Variants in GPM6A observed in about 807,000 individuals in gnomAD.
GPM6A encodes glycoprotein M6A.
Under a neutral mutation model 32.1 loss-of-function variants are expected in GPM6A, and 7 were observed. The observed-to-expected ratio is 0.22, with a 90% CI of 0.12 to 0.41. The LOEUF (loss-of-function observed/expected upper bound fraction) is 0.41. Ranked by LOEUF, GPM6A falls within the 10% of genes least tolerant of loss-of-function variation. GPM6A has a pLI of 1.00. For synonymous variants in GPM6A, 130 were observed against 123.4 expected, an observed-to-expected ratio of 1.05 and a Z score of -0.35; for missense variants, 235 against 347.2, an observed-to-expected ratio of 0.68 and a Z score of 2.57.
chr4:175,972,315 G>T (rs1159066683), intron 1 of GPM6A, among the ~76,000 whole-genome samples: 1 of 152,082 alleles, frequency 6.6e-6, no homozygotes, highest in Non-Finnish European at 1.5e-5. Context: ...TTGCTCAAAA[G>T]ATTTTGTTTA....
chr4:175,734,700 T>G (rs1173194369), intron 1 of GPM6A, among the ~76,000 whole-genome samples: 4 of 152,058 alleles, frequency 2.6e-5, no homozygotes, highest in Non-Finnish European at 5.9e-5. Flanking sequence ...TGTGAAACCC[T>G]GTCTCTACTA....
chr4:175,647,346 A>G (rs1183586463), intron 4 of GPM6A, among the ~76,000 whole-genome samples: 1 of 152,238 alleles, frequency 6.6e-6, no homozygotes, highest in Non-Finnish European at 1.5e-5. Flanking sequence ...AATACATCCA[A>G]TGTAATTGAA....
intron 1 of GPM6A, among the ~76,000 whole-genome samples, chr4:175,861,456 A>G (rs1736570512): frequency 6.6e-6 from 1 of 151,820 alleles, no homozygotes; most frequent in African/African-American, 2.4e-5. Context: ...ACAACTTTGA[A>G]TCAGATATAT....
chr4:175,774,745 A>T (rs1270218671), intron 1 of GPM6A, among the ~76,000 whole-genome samples: 2 of 152,082 alleles, frequency 1.3e-5, no homozygotes, highest in Non-Finnish European at 2.9e-5. Context: ...ACTACAATTA[A>T]TCAGTTAAAA....
intron 1 of GPM6A, among the ~76,000 whole-genome samples, chr4:175,937,793 T>C (rs1460047199): frequency 6.6e-6 from 1 of 152,058 alleles, no homozygotes; most frequent in Non-Finnish European, 1.5e-5. Context: ...ATCTGGCTAT[T>C]AGAAAAATAT....
chr4:175,881,320 C>A (rs1340350853), intron 1 of GPM6A, among the ~76,000 whole-genome samples: 1 of 152,004 alleles, frequency 6.6e-6, no homozygotes, highest in Non-Finnish European at 1.5e-5. Flanking sequence ...GTTAGAATGG[C>A]GATCATTAAA....
At chr4:175,818,270 C>T (rs2111344892) in intron 1 of GPM6A, among the ~76,000 whole-genome samples, 1 of 152,278 alleles carries the variant, frequency 6.6e-6, no homozygotes, top group Non-Finnish European at 1.5e-5. Context: ...TTTCTTCTTC[C>T]TAAAACACTT....
chr4:175,859,454 A>T (rs1736509649), intron 1 of GPM6A, among the ~76,000 whole-genome samples: 1 of 152,312 alleles, frequency 6.6e-6, no homozygotes, highest in Non-Finnish European at 1.5e-5. Flanking sequence ...AAGCAACACG[A>T]AACTCAGTTT....
intron 1 of GPM6A, among the ~76,000 whole-genome samples, chr4:175,762,520 G>A (rs528256976): frequency 5.0e-4 from 76 of 152,088 alleles, no homozygotes; most frequent in African/African-American, 1.8e-3. Context: ...AGTATGAAAT[G>A]TATTTAAACT....
intron 1 of GPM6A, among the ~76,000 whole-genome samples, chr4:175,966,398 G>A (rs766898044): frequency 2.7e-5 from 4 of 150,746 alleles, no homozygotes; most frequent in African/African-American, 7.3e-5. Context: ...GCAAGATTCT[G>A]TCTCAAATAA....
intron 1 of GPM6A, among the ~76,000 whole-genome samples, chr4:175,734,011 G>A (rs1351020795): frequency 6.6e-6 from 1 of 151,884 alleles, no homozygotes; most frequent in African/African-American, 2.4e-5. Context: ...ACTCAAAACT[G>A]AACTTTCATC....
At chr4:175,810,649 G>A (rs1474202938) in intron 1 of GPM6A, among the ~76,000 whole-genome samples, 1 of 152,158 alleles carries the variant, frequency 6.6e-6, no homozygotes, top group African/African-American at 2.4e-5. Flanking sequence ...TTTATTTAGT[G>A]TAATGAATAT....
At chr4:175,977,654 A>G (rs1740699169) in intron 1 of GPM6A, among the ~76,000 whole-genome samples, 1 of 152,206 alleles carries the variant, frequency 6.6e-6, no homozygotes, top group Admixed American at 6.5e-5. Context: ...AAAGTTAAAG[A>G]CAATCTTAAT....
At chr4:175,930,561 T>G (rs1347725716) in intron 1 of GPM6A, among the ~76,000 whole-genome samples, 1 of 152,022 alleles carries the variant, frequency 6.6e-6, no homozygotes, top group East Asian at 1.9e-4. Flanking sequence ...CAACTCTGAA[T>G]TTCAGTTTTA....
At chr4:175,957,415 G>A (rs1740023211) in intron 1 of GPM6A, among the ~76,000 whole-genome samples, 1 of 152,176 alleles carries the variant, frequency 6.6e-6, no homozygotes, top group Admixed American at 6.5e-5. Context: ...TACCAGGCAT[G>A]CAACAAGATG....
intron 1 of GPM6A, among the ~76,000 whole-genome samples, chr4:175,770,869 C>T (rs1190465679): frequency 2.0e-5 from 3 of 152,170 alleles, no homozygotes. Context: ...CTCACAACAA[C>T]CTAGCCGATT....
At chr4:175,720,020 A>G (rs1746032126) in intron 1 of GPM6A, among the ~76,000 whole-genome samples, 1 of 152,202 alleles carries the variant, frequency 6.6e-6, no homozygotes, top group Non-Finnish European at 1.5e-5. Flanking sequence ...CTGCCTGAGC[A>G]CCCTGATAAC....
chr4:175,940,344 G>GA (rs1739366683), intron 1 of GPM6A, among the ~76,000 whole-genome samples: 1 of 152,022 alleles, frequency 6.6e-6, no homozygotes, highest in Non-Finnish European at 1.5e-5. Flanking sequence ...AATTTTATGA[G>GA]AAAAATAATG....
chr4:175,942,050 T>C (rs1469563300), intron 1 of GPM6A, among the ~76,000 whole-genome samples: 1 of 152,250 alleles, frequency 6.6e-6, no homozygotes, highest in African/African-American at 2.4e-5. Flanking sequence ...TGTTGTTTCC[T>C]GACATTTTAA....
Sources: gnomAD v4.1 joint callset for allele counts (sites outside exome capture counted in the v4.1 genomes callset) on GRCh38, gnomAD v4.1.1 for gene constraint, MANE v1.5 for transcripts, NCBI Gene and HGNC (gene_info 2026-07-23, HGNC 2026-07-21) for gene names.